Variants in RAP1GAP2 observed in about 807,000 individuals in gnomAD.
RAP1GAP2 encodes the protein rap1 GTPase-activating protein 2.
RAP1GAP2 carries 27 observed loss-of-function variants against 95.0 expected under a neutral mutation model. The observed-to-expected ratio is 0.28, with a 90% CI of 0.21 to 0.39. The LOEUF (loss-of-function observed/expected upper bound fraction) is 0.39, where lower values mean the gene tolerates loss of function less well. RAP1GAP2 is among the 10% of genes least tolerant of loss of function. The probability of loss-of-function intolerance (pLI) is 1.00; values close to 1 mark genes in which losing one functional copy is unlikely to be tolerated. For missense variants in RAP1GAP2, 771 were observed against 970.0 expected (o/e 0.79, Z 2.72); for synonymous variants, 373 against 380.9 (o/e 0.98, Z 0.24).
At chr17:2,840,514 A>G (rs1056536427) in intron 2 of RAP1GAP2, among the ~76,000 whole-genome samples, 4 of 152,046 alleles carry the variant, frequency 2.6e-5, no homozygotes, top group African/African-American at 9.7e-5. Flanking sequence ...TCTAAGGAGC[A>G]GGGCATTATA....
chr17:2,792,650 G>C (rs1444542853), upstream of RAP1GAP2, among the ~76,000 whole-genome samples: 3 of 152,240 alleles, frequency 2.0e-5, no homozygotes, highest in African/African-American at 7.2e-5. Flanking sequence ...CATCGAAGAA[G>C]TCCAGGCTGT....
At position 3,033,811 on chromosome 17, in the gene RAP1GAP2, G is replaced by T. The variant is rs1332491486; in HGVS notation, c.*450G>T. On this transcript the variant is annotated 3_prime_UTR_variant, in exon 25 of 25. Coordinates refer to ENST00000254695, the MANE Select transcript of RAP1GAP2 (RefSeq NM_015085.5). This position sits in a 1 kb window ranked among gnomAD's most constrained non-coding sequence, Gnocchi z 4.9. The stretch of plus-strand genomic sequence containing the variant: ...ACAGGGCAGTGCCTTCCTGAACGTG[G>T]CAGGCTTTACTACCAGGAACGCACT... 6.6e-6 allele frequency: 1 copy of T among 152,234 alleles called. No homozygotes were observed. Among genetic ancestry groups the T allele is most frequent in the Non-Finnish European group, 1.5e-5 (1 of 68,082 alleles). The allele number at this position is 152,234 out of a possible 1,614,324, so 9.4% of individuals were successfully genotyped here.
chr17:2,998,794 G>C (rs910218451), intron 14 of RAP1GAP2, among the ~76,000 whole-genome samples: 1 of 151,992 alleles, frequency 6.6e-6, no homozygotes, highest in Non-Finnish European at 1.5e-5. Flanking sequence ...TTGGAATTTG[G>C]TGATGCCATT....
Position 2,963,715 on chromosome 17 carries a change from G to T in RAP1GAP2, c.280-141G>T. The T allele has an allele frequency of 2.4e-6, 2 of 840,002 alleles. No homozygotes were observed. The highest frequency in any genetic ancestry group is 3.7e-6 in the Non-Finnish European group (2 of 546,206). 52.0% of individuals were successfully genotyped at this position (840,002 alleles called of 1,614,324 possible). ...GAGGTGTTGTGGGGCTTGGAGGAGG[G>T]GTTCATGTCACTGCCTTTGGCCTCA... On this transcript the variant is annotated intron_variant, in intron 6 of 24. Transcript: ENST00000254695. The surrounding 1 kb of genome is among the most constrained non-coding windows in gnomAD (Gnocchi z 4.8).
chr17:2,965,364 G>A lies in RAP1GAP2; in HGVS notation c.493-176G>A. 1 of 607,592 alleles carries A rather than the reference G, an allele frequency of 1.6e-6. No homozygotes were observed. Among genetic ancestry groups the A allele is most frequent in the Non-Finnish European group, 2.9e-6 (1 of 341,380 alleles). 37.6% of individuals were successfully genotyped at this position (607,592 alleles called of 1,614,324 possible). On this transcript the variant is annotated intron_variant, in intron 7 of 24. Transcript: ENST00000254695. This position sits in a 1 kb window ranked among gnomAD's most constrained non-coding sequence, Gnocchi z 4.7. ...GTATTAAGCCCCTGGCACGGTGCCTGGCGCCTCCTGAGGATCCGGCCGTCG... is the reference window on the plus strand; with the variant it reads ...GTATTAAGCCCCTGGCACGGTGCCTAGCGCCTCCTGAGGATCCGGCCGTCG...
At chr17:2,804,733 G>C (rs1037334722) in intron 2 of RAP1GAP2, among the ~76,000 whole-genome samples, 1 of 152,192 alleles carries the variant, frequency 6.6e-6, no homozygotes, top group East Asian at 1.9e-4. Flanking sequence ...GCAGTGCAGG[G>C]GTACAGGGGC....
chr17:2,873,816 G>A (rs2072961642), intron 2 of RAP1GAP2, among the ~76,000 whole-genome samples: 2 of 152,106 alleles, frequency 1.3e-5, no homozygotes, highest in African/African-American at 2.4e-5. Context: ...AGGCTGGAGT[G>A]CAGTGGCGCG....
At chr17:2,898,730 T>TCCC (rs2041924290) in intron 2 of RAP1GAP2, among the ~76,000 whole-genome samples, 1 of 152,178 alleles carries the variant, frequency 6.6e-6, no homozygotes, top group Non-Finnish European at 1.5e-5. Flanking sequence ...TGCCCATTCT[T>TCCC]CCCGTTGATT....
chr17:2,899,413 A>G (rs941290484), intron 2 of RAP1GAP2, among the ~76,000 whole-genome samples: 4 of 152,036 alleles, frequency 2.6e-5, no homozygotes, highest in Middle Eastern at 3.4e-3. Context: ...GGGTTTCACC[A>G]TGTTAGCCAG....
chr17:2,913,513 TCCTGA>T (rs1383042456), intron 3 of RAP1GAP2, among the ~76,000 whole-genome samples: 1 of 152,116 alleles, frequency 6.6e-6, no homozygotes, highest in Non-Finnish European at 1.5e-5. Flanking sequence ...GCTCTCAAAC[TCCTGA>T]CCTCAGGTGA....
chr17:2,830,957 CCCCT>C (rs2070808976), intron 2 of RAP1GAP2, among the ~76,000 whole-genome samples: 1 of 121,398 alleles, frequency 8.2e-6, no homozygotes, highest in Admixed American at 8.4e-5. Context: ...CCCTTCCCCT[CCCCT>C]CCCCTTCCCT....
intron 1 of RAP1GAP2, among the ~76,000 whole-genome samples, chr17:2,767,615 T>G (rs1472451135): frequency 6.6e-6 from 1 of 152,130 alleles, no homozygotes; most frequent in African/African-American, 2.4e-5. Flanking sequence ...CACTTGATTT[T>G]TTCCTCTGAA....
chr17:2,820,414 A>T (rs1015687072), intron 2 of RAP1GAP2, among the ~76,000 whole-genome samples: 3 of 152,074 alleles, frequency 2.0e-5, no homozygotes, highest in African/African-American at 7.2e-5. Context: ...TGAGGTCAGG[A>T]GCTCGAGACC....
chr17:2,895,797 CA>C (rs550277569), intron 2 of RAP1GAP2, among the ~76,000 whole-genome samples: 1 of 152,162 alleles, frequency 6.6e-6, no homozygotes, highest in South Asian at 2.1e-4. Flanking sequence ...AGGCCGGTCT[CA>C]AACTCCTGAC....
intron 2 of RAP1GAP2, among the ~76,000 whole-genome samples, chr17:2,880,805 A>G (rs1370448868): frequency 6.6e-6 from 1 of 152,114 alleles, no homozygotes; most frequent in Non-Finnish European, 1.5e-5. Flanking sequence ...TAGTGGTTCA[A>G]CATCCCTACT....
intron 16 of RAP1GAP2, among the ~76,000 whole-genome samples, chr17:3,007,182 A>T (rs1597858090): frequency 6.6e-6 from 1 of 151,886 alleles, no homozygotes; most frequent in East Asian, 1.9e-4. Context: ...AATGGTGGAG[A>T]CTCAGCCGGA....
rs1408426152 is a variant in RAP1GAP2 at position 2,889,889 on chromosome 17, A to ATATATATTTTT, written c.81-15394_81-15393insATATATTTTTT. ...TATATATATATATATATATATATAT[A>ATATATATTTTT]TTTTTTTTTTTTTTTGTAGAGATGG... is the stretch of plus-strand genomic sequence containing the variant. On this transcript the variant is annotated intron_variant, in intron 2 of 24. Coordinates refer to ENST00000254695, the MANE Select transcript of RAP1GAP2 (RefSeq NM_015085.5). 9.9e-4 allele frequency among the ~76,000 whole-genome samples: 57 copies of ATATATATTTTT among 57,288 alleles called. 1 individual carries two copies. The highest frequency in any genetic ancestry group is 1.3e-3 in the Non-Finnish European group (43 of 32,526). 37.6% of individuals were successfully genotyped at this position (57,288 alleles called of 152,430 possible).
rs1379473323 is a variant in RAP1GAP2, at chr17:2,927,356, T to C, written c.165+21988T>C. Among the ~76,000 whole-genome samples, 10 of 151,622 alleles carry C rather than the reference T, an allele frequency of 6.6e-5. 1 individual carries two copies. In the South Asian group the frequency reaches 1.0e-3, roughly 16 times the overall value. On this transcript the variant is annotated intron_variant, in intron 3 of 24. Transcript: ENST00000254695. ...TTTTAGTAGAGACGGGGTTTCACCG[T>C]GTTAGCCAGGATGGTCTCGATCTCC... is the stretch of plus-strand genomic sequence containing the variant.
Position 3,025,977 on chromosome 17 carries a change from G to A in RAP1GAP2, c.1752-31G>A, listed in dbSNP as rs114471322. ...GGGGTGGGGGTTGAGGGCTGTCTCC[G>A]CGGCCTCACTCCTCATTTCCATTCC... On this transcript the variant is annotated intron_variant, in intron 19 of 24. Transcript: ENST00000254695. The A allele has an allele frequency of 1.8e-3, 2,688 of 1,526,784 alleles. 45 individuals are homozygous for A. The African/African-American group carries it at 0.032, about 18-fold the overall frequency. The allele number at this position is 1,526,784 out of a possible 1,614,324, so 94.6% of individuals were successfully genotyped here.
Sources: allele counts gnomAD v4.1 joint callset (sites outside exome capture counted in the v4.1 genomes callset), GRCh38; gene constraint gnomAD v4.1.1; non-coding constraint Gnocchi (gnomAD v3.1); transcripts MANE v1.5; gene names NCBI Gene and HGNC (gene_info 2026-07-23, HGNC 2026-07-21).